The following DYNC2H1 variants were observed in gnomAD, a reference collection of about 807,000 sequenced individuals.
DYNC2H1 encodes dynein cytoplasmic 2 heavy chain 1.
A neutral mutation model predicts 570.0 loss-of-function variants in DYNC2H1; 410 were observed. The observed-to-expected ratio is 0.72, with a 90% CI of 0.66 to 0.78. The LOEUF is 0.78. Among genes scored for constraint, DYNC2H1 ranks in the 30% least tolerant of loss-of-function variants. DYNC2H1 has a pLI of 0.00. For missense variants in DYNC2H1, 4,865 were observed against 5,046.4 expected, an observed-to-expected ratio of 0.96 and a Z score of 1.09; for synonymous variants, 1,688 against 1,677.6, an observed-to-expected ratio of 1.01 and a Z score of -0.15.
chr11:103,245,406 A>G lies in DYNC2H1; in HGVS notation c.10042+32A>G, dbSNP rs746722659. On this transcript the variant is annotated intron_variant, in intron 65 of 88. Coordinates refer to ENST00000375735, the MANE Select transcript of DYNC2H1 (RefSeq NM_001377.3). The surrounding 1 kb of genome is among the most constrained non-coding windows in gnomAD (Gnocchi z 4.5). Reference sequence around the variant, plus strand: ...AATTGACACTTTCCAGAGTGTAAATATTTTTAAAATTTCCAAAGTAAGTAA... The same window carrying G: ...AATTGACACTTTCCAGAGTGTAAATGTTTTTAAAATTTCCAAAGTAAGTAA... 5 of 1,529,204 alleles carry G rather than the reference A, an allele frequency of 3.3e-6. No homozygotes were observed. The highest frequency in any genetic ancestry group is 4.4e-6 in the Non-Finnish European group (5 of 1,141,738). The allele number at this position is 1,529,204 out of a possible 1,614,324, so 94.7% of individuals were successfully genotyped here.
rs370888884 is a variant in DYNC2H1, at chr11:103,186,308, A to T, written c.6700A>T (p.Thr2234Ser). 144 of 1,612,486 alleles carry T rather than the reference A, an allele frequency of 8.9e-5. No individual in the cohort carries two copies. Among genetic ancestry groups the T allele is most frequent in the Non-Finnish European group, 1.2e-4 (139 of 1,179,136 alleles). ...ACCTATGGATACCTACTATGACTCT[A>T]CTAGGGGTCGATTAGCAACATATGT... ...HKPMDTYYDS[T>S]RGRLATYVLK... The change falls in exon 42 of 89, where the codon ACT (threonine) becomes TCT (serine). Residue 2234 changes from threonine to serine, a missense_variant. Around this residue, in one of 5 missense-constraint regions of DYNC2H1, gnomAD observed 2,401 missense variants for 2,454.6 expected, o/e 0.98. Coordinates refer to ENST00000375735, the MANE Select transcript of DYNC2H1 (RefSeq NM_001377.3). This position sits in a 1 kb window ranked among gnomAD's most constrained non-coding sequence, Gnocchi z 4.5.
chr11:103,423,283 C>T (rs972412405), intron 84 of DYNC2H1, among the ~76,000 whole-genome samples: 1 of 151,352 alleles, frequency 6.6e-6, no homozygotes, highest in Non-Finnish European at 1.5e-5. Context: ...GAATAAGAAT[C>T]CAGATAGACC....
rs150836984 is a variant in DYNC2H1 at position 103,374,668 on chromosome 11, A to G, written c.12156+16309A>G. Among the ~76,000 whole-genome samples the G allele has an allele frequency of 2.0e-3, 304 of 152,278 alleles. 3 individuals are homozygous for G. The highest frequency in any genetic ancestry group is 2.1e-3 in the East Asian group (11 of 5,170). ...AAAAACTTGTTGGGAACTGAAGTAA[A>G]GGTCACTCTGGCTATGCTTTAGTAG... On this transcript the variant is annotated intron_variant, in intron 83 of 88. Transcript: ENST00000375735.
chr11:103,184,495 C>T (rs986548512), intron 40 of DYNC2H1, among the ~76,000 whole-genome samples: 1 of 151,834 alleles, frequency 6.6e-6, no homozygotes, highest in Non-Finnish European at 1.5e-5. Context: ...TCATTTATGC[C>T]TGCTTTTTCT....
intron 18 of DYNC2H1, among the ~76,000 whole-genome samples, chr11:103,143,969 T>C (rs1307174461): frequency 6.6e-6 from 1 of 152,238 alleles, no homozygotes; most frequent in Non-Finnish European, 1.5e-5. Flanking sequence ...CTCTAAAGGA[T>C]AATATCACTT....
intron 59 of DYNC2H1, among the ~76,000 whole-genome samples, chr11:103,227,845 T>G (rs1046685824): frequency 2.6e-5 from 4 of 152,200 alleles, no homozygotes; most frequent in Admixed American, 6.5e-5. Flanking sequence ...TAGTAATTGT[T>G]TCATAAATTT....
rs186209973 is a variant in DYNC2H1 at position 103,458,964 on chromosome 11, A to T, written c.12648+2608A>T. ...CCAGATTACAGGCGTGAGCCATTGC[A>T]TATGGCCTGGCTATAGTTCTTTAAT... On this transcript the variant is annotated intron_variant, in intron 87 of 88. Transcript: ENST00000375735. 2.0e-5 allele frequency among the ~76,000 whole-genome samples: 3 copies of T among 152,070 alleles called. No individual in the cohort carries two copies. In the East Asian group the frequency reaches 5.9e-4, roughly 30 times the overall value.
At chr11:103,278,170 T>A (rs1220335792) in intron 70 of DYNC2H1, among the ~76,000 whole-genome samples, 2 of 152,144 alleles carry the variant, frequency 1.3e-5, no homozygotes, top group African/African-American at 2.4e-5. Flanking sequence ...CATCTTCCAT[T>A]TTGCTAGAAC....
intron 84 of DYNC2H1, among the ~76,000 whole-genome samples, chr11:103,418,757 C>T (rs1943374273): frequency 6.6e-6 from 1 of 152,166 alleles, no homozygotes; most frequent in African/African-American, 2.4e-5. Flanking sequence ...CCATCCCCAG[C>T]CAAGGGAAGC....
In DYNC2H1 at chr11:103,109,430, C is replaced by A; in HGVS notation, c.-145C>A. On this transcript the variant is annotated 5_prime_UTR_variant, in exon 1 of 89. Transcript: ENST00000375735. ...CCGCCGTAGTGCTCCGTCGCCATAGCGACTACCCCTGGCAACCGCGAAGCT... is the reference window on the plus strand; with the variant it reads ...CCGCCGTAGTGCTCCGTCGCCATAGAGACTACCCCTGGCAACCGCGAAGCT... The A allele has an allele frequency of 1.3e-6, 1 of 770,690 alleles. No homozygotes were observed. The highest frequency in any genetic ancestry group is 2.0e-6 in the Non-Finnish European group (1 of 502,072). The allele number at this position is 770,690 out of a possible 1,614,324, so 47.7% of individuals were successfully genotyped here. A position where few individuals can be genotyped will look rare whatever the true frequency, so the allele number is the denominator to read the frequency against.
intron 58 of DYNC2H1, among the ~76,000 whole-genome samples, chr11:103,222,397 T>C (rs1348205945): frequency 1.3e-5 from 2 of 152,200 alleles, no homozygotes; most frequent in Non-Finnish European, 2.9e-5. Context: ...GTTAATGTTC[T>C]CAGCTTTTTT....
In DYNC2H1 at chr11:103,114,117, C is replaced by A; in HGVS notation, c.381C>A (p.Ser127Arg). ...TTTTTATTTAGGATCAGGAATGGAG[C>A]AGAAACTTTGATCCCAAACTTCAGA... ...APMLLKDQEWSRNFDPKLQNL... is the reference protein window; with the variant it reads ...APMLLKDQEWRRNFDPKLQNL... Residue 127 changes from serine (S) to arginine (R), a missense_variant, in exon 3 of 89, where the codon AGC becomes AGA. Coordinates refer to ENST00000375735, the MANE Select transcript of DYNC2H1 (RefSeq NM_001377.3). 1 of 1,610,270 alleles carries A rather than the reference C, an allele frequency of 6.2e-7. No homozygotes were observed. Among genetic ancestry groups the A allele is most frequent in the South Asian group, 1.1e-5 (1 of 90,200 alleles).
At chr11:103,310,616 G>C (rs758910937) in intron 78 of DYNC2H1, among the ~76,000 whole-genome samples, 1 of 146,520 alleles carries the variant, frequency 6.8e-6, no homozygotes, top group Non-Finnish European at 1.5e-5. Context: ...AAACATAAAA[G>C]CTTTCATTAA....
chr11:103,113,825 ATCTTT>A (rs1858236382), intron 2 of DYNC2H1, 118 bp downstream of exon 2: 1 of 921,048 alleles, frequency 1.1e-6, no homozygotes, highest in Admixed American at 3.8e-5. Context: ...TAATTAAAAT[ATCTTT>A]TCTTAACTTT....
In DYNC2H1 at chr11:103,479,165, G is replaced by C. The variant is rs541028343; in HGVS notation, c.12836G>C (p.Arg4279Pro). 58 of 1,613,804 alleles carry C rather than the reference G, an allele frequency of 3.6e-5. 1 individual carries two copies. In the Middle Eastern group the frequency reaches 8.3e-4, roughly 23 times the overall value. Residue 4279 changes from arginine (R) to proline (P), a missense_variant, in exon 89 of 89, where the codon CGT becomes CCT. This residue lies in a region of DYNC2H1 where 2,401 missense variants were observed against 2,454.6 expected (regional missense o/e 0.98). Transcript: ENST00000375735. ...GTTTACACAAGTGCTGAAAGGGATC[G>C]TGTGGTTACCAATATTGATGTTCCA... ...LPVYTSAERDRVVTNIDVPCG... is the reference protein window; with the variant it reads ...LPVYTSAERDPVVTNIDVPCG...
Position 103,263,046 on chromosome 11 carries a change from AG to A in DYNC2H1, c.10695+3070del, listed in dbSNP as rs796838598. ...GCAAAAAAAAAAAAAAAAAAAAAAA[AG>A]CAGGGTTTGCAATCCTAGTCTCTGA... On this transcript the variant is annotated intron_variant, in intron 70 of 88. Transcript: ENST00000375735. 7.3e-3 allele frequency among the ~76,000 whole-genome samples: 927 copies of A among 126,328 alleles called. 25 individuals carry two copies. Among genetic ancestry groups the A allele is most frequent in the African/African-American group, 0.035 (863 of 24,568 alleles). 82.9% of individuals were successfully genotyped at this position (126,328 alleles called of 152,430 possible).
intron 75 of DYNC2H1, among the ~76,000 whole-genome samples, chr11:103,297,762 A>C (rs1257049900): frequency 1.3e-5 from 2 of 151,990 alleles, no homozygotes; most frequent in Non-Finnish European, 1.5e-5. Flanking sequence ...TCTACCATCA[A>C]ATTCTTTTGG....
In DYNC2H1 at chr11:103,254,455, T is replaced by C. The variant is rs139968989; in HGVS notation, c.10207-960T>C. On this transcript the variant is annotated intron_variant, in intron 66 of 88. Transcript: ENST00000375735. The surrounding 1 kb of genome is among the most constrained non-coding windows in gnomAD (Gnocchi z 4.9). ...ATTTGACATAGCATTTTTCAACAGC[T>C]TCACAGATAACAGCTTTAACAAATA... 9.6e-3 allele frequency among the ~76,000 whole-genome samples: 1,468 copies of C among 152,356 alleles called. 12 individuals are homozygous for C. The highest frequency in any genetic ancestry group is 0.015 in the Non-Finnish European group (1,046 of 68,032).
intron 31 of DYNC2H1, among the ~76,000 whole-genome samples, chr11:103,166,249 A>G (rs571098658): frequency 2.2e-4 from 33 of 152,266 alleles, no homozygotes; most frequent in African/African-American, 6.7e-4. Flanking sequence ...TTACTACCAT[A>G]TAGGCTTCTT....
Sources: gnomAD v4.1 joint callset for allele counts (sites outside exome capture counted in the v4.1 genomes callset) on GRCh38, gnomAD v4.1.1 for gene constraint, gnomAD v4.1.1 regional missense constraint, Gnocchi (gnomAD v3.1) non-coding constraint, MANE v1.5 for transcripts, NCBI Gene and HGNC (gene_info 2026-07-23, HGNC 2026-07-21) for gene names.